PLA2G5: variants seen among roughly 807,000 people sequenced by gnomAD.
PLA2G5 encodes the protein Ca2+-dependent phospholipase A2.
PLA2G5 carries 12 observed loss-of-function variants against 15.9 expected under a neutral mutation model. The ratio of observed to expected loss-of-function variants is 0.76; its 90% confidence interval spans 0.48 to 1.23. The LOEUF (loss-of-function observed/expected upper bound fraction) is 1.23, where lower values mean the gene tolerates loss of function less well. PLA2G5 is among the 50% of genes most tolerant of loss of function. The pLI is 0.00. For synonymous variants in PLA2G5, 71 were observed against 71.4 expected, an observed-to-expected ratio of 0.99 and a Z score of 0.03; for missense variants, 169 against 177.1, an observed-to-expected ratio of 0.95 and a Z score of 0.26.
At chr1:20,068,339 C>T (rs2315333), upstream of PLA2G5, among the ~76,000 whole-genome samples, 9,486 of 151,560 alleles carry the variant, frequency 0.063, 490 homozygotes, top group East Asian at 0.25. Context: ...GAGAAAGATA[C>T]TGAGAAAAAT....
At chr1:20,039,413 T>C (rs935561417) in intron 1 of PLA2G5, among the ~76,000 whole-genome samples, 4 of 152,152 alleles carry the variant, frequency 2.6e-5, no homozygotes, top group African/African-American at 9.7e-5. Flanking sequence ...GTAATGTTCA[T>C]AGAGGACAAA....
chr1:20,088,071 C>T lies in PLA2G5; in HGVS notation c.186-1718C>T, dbSNP rs186470470. ...CCAAGAGGAGCCTAAAGAGACAAGA[C>T]CATGGGCCGGGCGCGGTGGCTCACG... On this transcript the variant is annotated intron_variant, in intron 3 of 4. Transcript: ENST00000375108. Among the ~76,000 whole-genome samples, 14 of 152,138 alleles carry T rather than the reference C, an allele frequency of 9.2e-5. No individual in the cohort carries two copies. In the East Asian group the frequency reaches 2.7e-3, roughly 29 times the overall value.
At chr1:20,072,924 CT>C (rs762237990) in intron 1 of PLA2G5, among the ~76,000 whole-genome samples, 45 of 152,338 alleles carry the variant, frequency 3.0e-4, no homozygotes, top group Non-Finnish European at 7.3e-5. Flanking sequence ...GTGGATTTCA[CT>C]TTGCATTTGG....
At chr1:20,090,509 C>G (rs2016515307) in intron 4 of PLA2G5, 59 bp from the exon 5 acceptor site, 2 of 1,596,664 alleles carry the variant, frequency 1.3e-6, no homozygotes, top group South Asian at 2.2e-5. Flanking sequence ...CATGGGGTCT[C>G]TGCTGAGACT....
intron 1 of PLA2G5, among the ~76,000 whole-genome samples, chr1:20,054,327 C>A (rs2014328774): frequency 6.6e-6 from 1 of 152,190 alleles, no homozygotes; most frequent in Admixed American, 6.5e-5. Flanking sequence ...AAGGTGAACT[C>A]ACTGGAGGTC....
At chr1:20,038,348 T>C (rs1186029795) in intron 1 of PLA2G5, among the ~76,000 whole-genome samples, 1 of 152,070 alleles carries the variant, frequency 6.6e-6, no homozygotes, top group Non-Finnish European at 1.5e-5. Flanking sequence ...GAAGTTTCCT[T>C]CTCCCTGTGA....
chr1:20,066,378 T>C (rs1008505139), upstream of PLA2G5, among the ~76,000 whole-genome samples: 1 of 152,232 alleles, frequency 6.6e-6, no homozygotes, highest in African/African-American at 2.4e-5. Flanking sequence ...TTTTGTATTG[T>C]TCACAAAGCA....
chr1:20,031,221 C>T (rs115326911), intron 1 of PLA2G5, among the ~76,000 whole-genome samples: 2,383 of 152,186 alleles, frequency 0.016, 30 homozygotes, highest in Non-Finnish European at 0.023. Flanking sequence ...TATTTTGGAC[C>T]GGGTTCGTGT....
rs199739019 is a variant in PLA2G5 at position 20,084,886 on chromosome 1, G to C, written c.40+16G>C. ...CTGGCTTGTAGTAAGTGCTGGCCCC[G>C]TGACCTTCGAATGAACTTTTACCCC... is the stretch of plus-strand genomic sequence containing the variant. On this transcript the variant is annotated intron_variant, in intron 2 of 4. Coordinates refer to ENST00000375108, the MANE Select transcript of PLA2G5 (RefSeq NM_000929.3). 11 of 1,584,370 alleles carry C rather than the reference G, an allele frequency of 6.9e-6. No homozygotes were observed. In the South Asian group the frequency reaches 1.1e-4, roughly 16 times the overall value.
At chr1:20,035,614 T>C (rs1471178422) in intron 1 of PLA2G5, among the ~76,000 whole-genome samples, 2 of 152,192 alleles carry the variant, frequency 1.3e-5, no homozygotes, top group African/African-American at 4.8e-5. Flanking sequence ...TGAGTCCTTA[T>C]GTGATAGATG....
chr1:20,082,115 G>A (rs1204557436), intron 1 of PLA2G5, among the ~76,000 whole-genome samples: 7 of 151,922 alleles, frequency 4.6e-5, no homozygotes, highest in Non-Finnish European at 7.3e-5. Flanking sequence ...AGAAGTGAAA[G>A]CTTATTAAAA....
At chr1:20,058,994 C>A (rs930184835) in intron 1 of PLA2G5, among the ~76,000 whole-genome samples, 2 of 150,668 alleles carry the variant, frequency 1.3e-5, no homozygotes, top group Admixed American at 6.6e-5. Context: ...GCCAACATGG[C>A]GAAACTCCAT....
intron 1 of PLA2G5, among the ~76,000 whole-genome samples, chr1:20,056,743 G>A (rs1419444088): frequency 6.6e-6 from 1 of 152,144 alleles, no homozygotes; most frequent in Non-Finnish European, 1.5e-5. Context: ...ATGAGTTAGG[G>A]AGTATTCATT....
chr1:20,091,562 T>A lies in PLA2G5; in HGVS notation c.*870T>A, dbSNP rs997302086. On this transcript the variant is annotated 3_prime_UTR_variant, in exon 5 of 5. Coordinates refer to ENST00000375108, the MANE Select transcript of PLA2G5 (RefSeq NM_000929.3). ...TGTTCCTTGCAATGTAAAATGAGAC[T>A]TCTAAAGCCCACCTTGATGCTGATA... is the stretch of plus-strand genomic sequence containing the variant. Among the ~76,000 whole-genome samples the A allele has an allele frequency of 6.6e-6, 1 of 152,182 alleles. No individual in the cohort carries two copies. The highest frequency in any genetic ancestry group is 6.5e-5 in the Admixed American group (1 of 15,272).
rs181346670 is a variant in PLA2G5 at position 20,083,739 on chromosome 1, C to T, written c.-10-1082C>T. On this transcript the variant is annotated intron_variant, in intron 1 of 4. Transcript: ENST00000375108. ...TTCATGCCTCTGGGAAGGGAGGCTG[C>T]GTGGTGCAGTGAGGGGTGCAGAAGG... Among the ~76,000 whole-genome samples the T allele has an allele frequency of 2.3e-3, 349 of 151,904 alleles. 9 individuals are homozygous for T. The highest frequency in any genetic ancestry group is 8.1e-3 in the African/African-American group (335 of 41,202).
chr1:20,038,898 G>A (rs2013430673), intron 1 of PLA2G5, among the ~76,000 whole-genome samples: 1 of 152,242 alleles, frequency 6.6e-6, no homozygotes, highest in African/African-American at 2.4e-5. Flanking sequence ...GGCTTTTGGA[G>A]TCCTCCTATT....
chr1:20,067,430 G>A (rs752113053), upstream of PLA2G5, among the ~76,000 whole-genome samples: 1 of 152,202 alleles, frequency 6.6e-6, no homozygotes, highest in Non-Finnish European at 1.5e-5. Context: ...GCTCACGCCT[G>A]TAATTCCAGC....
rs1403966765 is a variant in PLA2G5 at position 20,086,138 on chromosome 1, G to C, written c.96G>C (p.Val32=). The C allele has an allele frequency of 1.9e-6, 3 of 1,614,146 alleles. No homozygotes were observed. Among genetic ancestry groups the C allele is most frequent in the Non-Finnish European group, 8.5e-7 (1 of 1,180,024 alleles). Residue 32 remains valine (V), a synonymous_variant, in exon 3 of 5, where the codon GTG becomes GTC. Coordinates refer to ENST00000375108, the MANE Select transcript of PLA2G5 (RefSeq NM_000929.3). ...LLDLKSMIEK[V]TGKNALTNYG... is the part of the protein sequence containing the mutation. Reference sequence around the variant, plus strand: ...ACCTAAAATCAATGATCGAGAAGGTGACAGGGAAGAACGCCCTGACAAACT... The same window carrying C: ...ACCTAAAATCAATGATCGAGAAGGTCACAGGGAAGAACGCCCTGACAAACT...
chr1:20,087,400 C>CT (rs903892388), intron 3 of PLA2G5, among the ~76,000 whole-genome samples: 4,541 of 148,092 alleles, frequency 0.031, 217 homozygotes, highest in African/African-American at 0.1. Context: ...TGATCATATA[C>CT]TTTTTTTTTT....
Sources: allele counts gnomAD v4.1 joint callset (sites outside exome capture counted in the v4.1 genomes callset), GRCh38; gene constraint gnomAD v4.1.1; transcripts MANE v1.5; gene names NCBI Gene and HGNC (gene_info 2026-07-23, HGNC 2026-07-21).